Variants in DGKE observed in about 807,000 individuals in gnomAD.
DGKE encodes the protein diacylglycerol kinase epsilon.
Under a neutral mutation model 70.0 loss-of-function variants are expected in DGKE, and 53 were observed. The observed-to-expected ratio is 0.76, with a 90% CI of 0.61 to 0.95. The LOEUF is 0.95. DGKE is among the 40% of genes least tolerant of loss of function. The probability of loss-of-function intolerance (pLI) is 0.00; values close to 1 mark genes in which losing one functional copy is unlikely to be tolerated. For missense variants in DGKE, 655 were observed against 706.9 expected, an observed-to-expected ratio of 0.93 and a Z score of 0.83; for synonymous variants, 291 against 257.0, an observed-to-expected ratio of 1.13 and a Z score of -1.27.
rs933733592 is a variant in DGKE, at chr17:56,847,930, T to C, written c.753T>C (p.Asp251=). 1.3e-6 allele frequency: 2 copies of C among 1,556,968 alleles called. No homozygotes were observed. Among genetic ancestry groups the C allele is most frequent in the Non-Finnish European group, 1.7e-6 (2 of 1,156,580 alleles). The change falls in exon 5 of 12, where the codon GAT becomes GAC. Residue 251 remains aspartate (D), a synonymous_variant. Transcript: ENST00000284061. ...TTTTCTTTTGTTTCTAGGTTTTTGA[T>C]GTAACTAAAACTCCTCCTATCAAAG... The part of the protein sequence containing the change: ...RILLNPVQVF[D]VTKTPPIKAL...
Position 56,863,763 on chromosome 17 carries a change from A to T in DGKE, c.*972A>T, listed in dbSNP as rs1908419739. 1 of 152,338 alleles carries T rather than the reference A, an allele frequency of 6.6e-6. No homozygotes were observed. Among genetic ancestry groups the T allele is most frequent in the Non-Finnish European group, 1.5e-5 (1 of 68,034 alleles). 9.4% of individuals were successfully genotyped at this position (152,338 alleles called of 1,614,324 possible). On this transcript the variant is annotated 3_prime_UTR_variant, in exon 12 of 12. Transcript: ENST00000284061. ...AGGTAAGTGGACAGAAATCTTTGCTAAAATGTTTATATCATATTTATTTTA... is the reference window on the plus strand; with the variant it reads ...AGGTAAGTGGACAGAAATCTTTGCTTAAATGTTTATATCATATTTATTTTA...
At chr17:56,839,645 A>C (rs573371545) in intron 2 of DGKE, among the ~76,000 whole-genome samples, 2 of 152,124 alleles carry the variant, frequency 1.3e-5, no homozygotes, top group Non-Finnish European at 2.9e-5. Flanking sequence ...CAGCCTTCCA[A>C]GTAGCTGGGA....
chr17:56,848,060 A>AT lies in DGKE; in HGVS notation c.885dup (p.Lys296Ter), dbSNP rs1159939386. On this transcript the variant is annotated frameshift_variant, in exon 5 of 12. Transcript: ENST00000284061. LOFTEE classifies it high-confidence loss of function. ...CCTGGATGCAGTTGATGACATGAAG[A>AT]TTAAGGTATTAGTCTTTAAGAACTA... 1.3e-6 allele frequency: 2 copies of AT among 1,556,488 alleles called. 1 individual carries two copies. Among genetic ancestry groups the AT allele is most frequent in the Non-Finnish European group, 1.7e-6 (2 of 1,152,568 alleles).
intron 4 of DGKE, chr17:56,846,257 T>TA (rs1318004769): frequency 2.0e-5 from 3 of 152,844 alleles, no homozygotes; most frequent in Admixed American, 6.5e-5. Flanking sequence ...AAACTACTGA[T>TA]ACGTATATAT....
chr17:56,836,214 T>A (rs1439590426), intron 2 of DGKE: 1 of 3,392 alleles, frequency 2.9e-4, no homozygotes, highest in Non-Finnish European at 1.1e-3. Context: ...ATTTTTTTAA[T>A]TTTTTTTGCA....
At position 56,849,186 on chromosome 17, in the gene DGKE, A is replaced by C; in HGVS notation, c.1052A>C (p.Lys351Thr). The C allele has an allele frequency of 6.2e-7, 1 of 1,610,472 alleles. No individual in the cohort carries two copies. Among genetic ancestry groups the C allele is most frequent in the Non-Finnish European group, 8.5e-7 (1 of 1,178,886 alleles). ...TTTTAACTTCTGTTTTTTAGATGGA[A>C]AGTTCAAGTAACAAATAAAGGATAC... Reference protein sequence around the residue: ...EADGIKLDRWKVQVTNKGYYN... With the variant: ...EADGIKLDRWTVQVTNKGYYN... The change falls in exon 7 of 12, where the codon AAA becomes ACA. Residue 351 changes from lysine to threonine, a missense_variant. Coordinates refer to ENST00000284061, the MANE Select transcript of DGKE (RefSeq NM_003647.3).
At chr17:56,850,878 A>AC (rs1252513405) in intron 7 of DGKE, among the ~76,000 whole-genome samples, 1 of 152,224 alleles carries the variant, frequency 6.6e-6, no homozygotes, top group Admixed American at 6.5e-5. Context: ...AAGCTAGACT[A>AC]TAAATGTGTT....
rs12601782 is a variant in DGKE at position 56,849,464 on chromosome 17, G to A, written c.1098+232G>A. 0.71 allele frequency among the ~76,000 whole-genome samples: 107,973 copies of A among 152,076 alleles called. 38,739 individuals carry two copies. The highest frequency in any genetic ancestry group is 0.91 in the East Asian group (4,711 of 5,174). On this transcript the variant is annotated intron_variant, in intron 7 of 11. Coordinates refer to ENST00000284061, the MANE Select transcript of DGKE (RefSeq NM_003647.3). ...TGAGAAGATTCAGAGGAAGTGGTAC[G>A]GGAGTTGGTCCTTAAAAAAGCAAAG...
rs1284595597 is a variant in DGKE, at chr17:56,856,461, C to G, written c.1099-51C>G. ...CTAAGATTGACATTTAATTATGACTCAAGCTTAGGTGGAACCATAGTCTGT... is the reference window on the plus strand; with the variant it reads ...CTAAGATTGACATTTAATTATGACTGAAGCTTAGGTGGAACCATAGTCTGT... On this transcript the variant is annotated intron_variant, in intron 7 of 11. Coordinates refer to ENST00000284061, the MANE Select transcript of DGKE (RefSeq NM_003647.3). 13 of 1,544,886 alleles carry G rather than the reference C, an allele frequency of 8.4e-6. No homozygotes were observed. In the African/African-American group the frequency reaches 1.5e-4, roughly 18 times the overall value.
chr17:56,856,749 G>T, intron 8 of DGKE, 124 bp downstream of exon 8: 4 of 1,210,906 alleles, frequency 3.3e-6, no homozygotes, highest in South Asian at 1.7e-5. Context: ...TACCTGCTCT[G>T]TTTTGTGTAG....
chr17:56,849,571 T>C (rs1164436295), intron 7 of DGKE, among the ~76,000 whole-genome samples: 1 of 152,168 alleles, frequency 6.6e-6, no homozygotes, highest in African/African-American at 2.4e-5. Context: ...AGAGTAGATC[T>C]GTATTTTTAA....
rs756703489 is a variant in DGKE at position 56,834,895 on chromosome 17, G to T, written c.100G>T (p.Val34Leu). The change falls in exon 2 of 12, where the codon GTG becomes TTG. Residue 34 changes from valine to leucine, a missense_variant. Transcript: ENST00000284061. Reference protein sequence around the residue: ...LWTLCSVLLPVFITFWCSLQR... With the variant: ...LWTLCSVLLPLFITFWCSLQR... ...GACGCTGTGCTCGGTCCTGCTGCCG[G>T]TGTTCATCACCTTCTGGTGTAGCCT... 1.2e-6 allele frequency: 2 copies of T among 1,613,768 alleles called. No homozygotes were observed. Among genetic ancestry groups the T allele is most frequent in the Non-Finnish European group, 8.5e-7 (1 of 1,179,964 alleles).
rs1598052876 is a variant in DGKE at position 56,863,933 on chromosome 17, C to T, written c.*1142C>T. The T allele has an allele frequency of 6.6e-6, 1 of 152,218 alleles. No individual in the cohort carries two copies. The highest frequency in any genetic ancestry group is 1.9e-4 in the East Asian group (1 of 5,182). The allele number at this position is 152,218 out of a possible 1,614,324, so 9.4% of individuals were successfully genotyped here. Reference sequence around the variant, plus strand: ...AGTCACAATCAGATAGAAATTTAGTCTATTAATTAAAATTCTAATTTAATT... The same window carrying T: ...AGTCACAATCAGATAGAAATTTAGTTTATTAATTAAAATTCTAATTTAATT... On this transcript the variant is annotated 3_prime_UTR_variant, in exon 12 of 12. Transcript: ENST00000284061.
chr17:56,850,457 ATAT>A (rs1265193358), intron 7 of DGKE, among the ~76,000 whole-genome samples: 2 of 152,246 alleles, frequency 1.3e-5, no homozygotes, highest in Non-Finnish European at 2.9e-5. Flanking sequence ...GCAAATAGAT[ATAT>A]TTAGGTGACA....
rs1300225537 is a variant in DGKE, at chr17:56,863,019, CA to C, written c.*233del. 3.2e-5 allele frequency: 12 copies of C among 372,366 alleles called. No individual in the cohort carries two copies. The highest frequency in any genetic ancestry group is 4.7e-5 in the Admixed American group (1 of 21,440). 23.1% of individuals were successfully genotyped at this position (372,366 alleles called of 1,614,324 possible). On this transcript the variant is annotated 3_prime_UTR_variant, in exon 12 of 12. Coordinates refer to ENST00000284061, the MANE Select transcript of DGKE (RefSeq NM_003647.3). ...ACTTCAAATGAATAGTATTAACTTA[CA>C]AAAAGTCACAAAAACTTACATGAGA...
At position 56,862,829 on chromosome 17, in the gene DGKE, C is replaced by CGTGA; in HGVS notation, c.*39_*40insTGAG. ...GTGAAAACTTTGCATAGAATCCTCA[C>CGTGA]GCAAGTAGATACATGTTCATCCAAA... On this transcript the variant is annotated 3_prime_UTR_variant, in exon 12 of 12. Coordinates refer to ENST00000284061, the MANE Select transcript of DGKE (RefSeq NM_003647.3). 6.9e-7 allele frequency: 1 copy of CGTGA among 1,448,186 alleles called. No individual in the cohort carries two copies. The highest frequency in any genetic ancestry group is 9.0e-7 in the Non-Finnish European group (1 of 1,105,524). The allele number at this position is 1,448,186 out of a possible 1,614,324, so 89.7% of individuals were successfully genotyped here. A position where few individuals can be genotyped will look rare whatever the true frequency, so the allele number is the denominator to read the frequency against.
chr17:56,852,825 A>G (rs1294895959), intron 7 of DGKE, among the ~76,000 whole-genome samples: 2 of 152,152 alleles, frequency 1.3e-5, no homozygotes, highest in Admixed American at 1.3e-4. Flanking sequence ...AATGTTGAGC[A>G]TTTTTTCATA....
intron 9 of DGKE, among the ~76,000 whole-genome samples, chr17:56,859,324 CA>C: frequency 6.7e-6 from 1 of 149,334 alleles, no homozygotes; most frequent in East Asian, 2.0e-4. Flanking sequence ...GACTCCGTCT[CA>C]AAAAAAACTA....
In DGKE at chr17:56,856,848, A is replaced by G. The variant is rs111742683; in HGVS notation, c.1212+223A>G. ...CACAGTGGCTCATGCCTGTAATCCT[A>G]GCACTTTTGGGAGGCGGAGGCAGGT... On this transcript the variant is annotated intron_variant, in intron 8 of 11. Transcript: ENST00000284061. Among the ~76,000 whole-genome samples, 2,492 of 151,926 alleles carry G rather than the reference A, an allele frequency of 0.016. 64 individuals are homozygous for G. Among genetic ancestry groups the G allele is most frequent in the African/African-American group, 0.057 (2,366 of 41,386 alleles).
Sources: gnomAD v4.1 joint callset for allele counts (sites outside exome capture counted in the v4.1 genomes callset) on GRCh38, gnomAD v4.1.1 for gene constraint, MANE v1.5 for transcripts, NCBI Gene and HGNC (gene_info 2026-07-23, HGNC 2026-07-21) for gene names.